Variants in RBPJ observed in about 807,000 individuals in gnomAD.
RBPJ encodes recombination signal binding protein for immunoglobulin kappa J region.
RBPJ carries 9 observed loss-of-function variants against 67.8 expected under a neutral mutation model. The observed-to-expected ratio is 0.13, with a 90% CI of 0.08 to 0.23. The LOEUF is 0.23. Ranked by LOEUF, RBPJ falls within the 10% of genes least tolerant of loss-of-function variation. RBPJ has a pLI of 1.00. For synonymous variants in RBPJ, 198 were observed against 203.3 expected, an observed-to-expected ratio of 0.97 and a Z score of 0.22; for missense variants, 305 against 595.6, an observed-to-expected ratio of 0.51 and a Z score of 5.08.
chr4:26,336,003 T>G (rs1724798813), intron 1 of RBPJ, among the ~76,000 whole-genome samples: 1 of 152,210 alleles, frequency 6.6e-6, no homozygotes, highest in Non-Finnish European at 1.5e-5. Context: ...TCTGGTCACC[T>G]AATTTTGTTG....
the RBPJ span, among the ~76,000 whole-genome samples, chr4:26,142,507 A>C: frequency 6.6e-6 from 1 of 152,350 alleles, no homozygotes; most frequent in East Asian, 1.9e-4. Flanking sequence ...AGTTGGGAGT[A>C]GAAGGCTCTT....
chr4:26,263,280 C>A (rs1436332044), intron 1 of RBPJ, among the ~76,000 whole-genome samples: 3 of 152,142 alleles, frequency 2.0e-5, no homozygotes. Flanking sequence ...GACAACCAGG[C>A]TCCTCCCAGT....
chr4:26,282,983 T>C (rs1721328608), intron 1 of RBPJ, among the ~76,000 whole-genome samples: 1 of 129,684 alleles, frequency 7.7e-6, no homozygotes, highest in Non-Finnish European at 1.6e-5. Context: ...CAGGCTGGAG[T>C]GCAGTGGCAC....
chr4:26,275,453 A>G (rs1235390986), intron 1 of RBPJ, among the ~76,000 whole-genome samples: 1 of 152,202 alleles, frequency 6.6e-6, no homozygotes, highest in African/African-American at 2.4e-5. Context: ...TGGGGCAGGA[A>G]GGGAACAAGT....
chr4:26,183,586 C>A (rs767080049), intron 1 of RBPJ, among the ~76,000 whole-genome samples: 5 of 152,122 alleles, frequency 3.3e-5, no homozygotes, highest in East Asian at 1.9e-4. Context: ...TTTAATCTTG[C>A]GCAGTAAAAT....
intron 1 of RBPJ, among the ~76,000 whole-genome samples, chr4:26,281,565 C>G (rs1721274767): frequency 6.6e-6 from 1 of 152,212 alleles, no homozygotes; most frequent in South Asian, 2.1e-4. Context: ...TAGGCATGAG[C>G]CACCATGCCC....
In RBPJ at chr4:26,406,211, T is replaced by C. The variant is rs781213573; in HGVS notation, c.96T>C (p.Asp32=). 2.5e-6 allele frequency: 4 copies of C among 1,612,794 alleles called. No homozygotes were observed. Among genetic ancestry groups the C allele is most frequent in the Non-Finnish European group, 3.4e-6 (4 of 1,179,146 alleles). The change falls in exon 3 of 11, where the codon GAT becomes GAC. Residue 32 remains aspartate, a synonymous_variant. Coordinates refer to ENST00000355476, the MANE Select transcript of RBPJ (RefSeq NM_015874.6). ...GAAATTATTTAAAAGAGCGAGGGGATCAAACAGTACTTATTCTTCATGCAA... is the reference window on the plus strand; with the variant it reads ...GAAATTATTTAAAAGAGCGAGGGGACCAAACAGTACTTATTCTTCATGCAA... ...AMRNYLKERG[D]QTVLILHAKV...
At chr4:26,208,179 A>G (rs1718237243) in intron 1 of RBPJ, among the ~76,000 whole-genome samples, 1 of 152,252 alleles carries the variant, frequency 6.6e-6, no homozygotes, top group Non-Finnish European at 1.5e-5. Context: ...CTCTATATGA[A>G]GTAATCCATT....
At chr4:26,192,857 A>G (rs541252281) in intron 1 of RBPJ, among the ~76,000 whole-genome samples, 3 of 152,358 alleles carry the variant, frequency 2.0e-5, no homozygotes, top group East Asian at 3.9e-4. Context: ...GAACCTGCAA[A>G]TACGTCACCA....
chr4:26,378,480 T>C (rs569400328), intron 1 of RBPJ, among the ~76,000 whole-genome samples: 1 of 152,302 alleles, frequency 6.6e-6, no homozygotes, highest in Non-Finnish European at 1.5e-5. Flanking sequence ...GTTAGAGATT[T>C]AACCCAGGGG....
chr4:26,332,493 A>G (rs1724363331), intron 1 of RBPJ, among the ~76,000 whole-genome samples: 1 of 152,194 alleles, frequency 6.6e-6, no homozygotes, highest in South Asian at 2.1e-4. Context: ...AAAGGCATTT[A>G]TTTAATTTTT....
At chr4:26,108,944 C>G in the RBPJ span, among the ~76,000 whole-genome samples, 5 of 152,184 alleles carry the variant, frequency 3.3e-5, no homozygotes, top group Non-Finnish European at 2.9e-5. Context: ...GACACTAACA[C>G]TTATAAAGAG....
intron 2 of RBPJ, among the ~76,000 whole-genome samples, chr4:26,396,258 A>C (rs1403952146): frequency 2.6e-5 from 4 of 152,276 alleles, no homozygotes; most frequent in Admixed American, 2.6e-4. Context: ...TCAACTAATT[A>C]GTCCATAAAT....
chr4:26,215,086 A>AC (rs1718638201), intron 1 of RBPJ, among the ~76,000 whole-genome samples: 1 of 54,832 alleles, frequency 1.8e-5, no homozygotes, highest in Non-Finnish European at 3.2e-5. Context: ...GAGAGAAAAA[A>AC]GACAGAAAGA....
At chr4:26,381,832 T>TTAAA (rs1200752003) in intron 1 of RBPJ, among the ~76,000 whole-genome samples, 1 of 152,180 alleles carries the variant, frequency 6.6e-6, no homozygotes, top group Middle Eastern at 3.2e-3. Context: ...CTTTTTTCCT[T>TTAAA]TAAATGTATG....
chr4:26,126,347 C>A, the RBPJ span, among the ~76,000 whole-genome samples: 1 of 152,234 alleles, frequency 6.6e-6, no homozygotes, highest in African/African-American at 2.4e-5. Flanking sequence ...CCTAGCCCAT[C>A]ACTCCCCTTT....
intron 1 of RBPJ, among the ~76,000 whole-genome samples, chr4:26,348,693 ATTTTTGTTTTTTGT>A (rs373621705): frequency 6.6e-6 from 1 of 151,808 alleles, no homozygotes; most frequent in Non-Finnish European, 1.5e-5. Flanking sequence ...TTGTTTTTTG[ATTTTTGTTTTTTGT>A]TTTTTTTTGT....
intron 1 of RBPJ, among the ~76,000 whole-genome samples, chr4:26,339,599 C>A: frequency 6.6e-6 from 1 of 151,724 alleles, no homozygotes; most frequent in Admixed American, 6.6e-5. Flanking sequence ...GTGCCACTGC[C>A]CTCCAGCCTG....
At chr4:26,406,100 A>T (rs1295730064) in intron 2 of RBPJ, 75 bp from the exon 3 acceptor site, 7 of 934,712 alleles carry the variant, frequency 7.5e-6, no homozygotes, top group Non-Finnish European at 1.2e-5. Flanking sequence ...TCCTCTCATT[A>T]CAGAGCGTAG....
Sources: gnomAD v4.1 joint callset for allele counts (sites outside exome capture counted in the v4.1 genomes callset) on GRCh38, gnomAD v4.1.1 for gene constraint, MANE v1.5 for transcripts, NCBI Gene and HGNC (gene_info 2026-07-23, HGNC 2026-07-21) for gene names.